GRM8: variants seen among roughly 807,000 people sequenced by gnomAD.
GRM8 encodes the protein metabotropic glutamate receptor 8.
GRM8 carries 47 observed loss-of-function variants against 87.2 expected under a neutral mutation model. That is an observed-to-expected ratio of 0.54 (90% CI 0.43 to 0.69). The LOEUF is 0.69. GRM8 is among the 30% of genes least tolerant of loss of function. The pLI, the probability that GRM8 is intolerant of heterozygous loss-of-function variation, is 0.00. For synonymous variants in GRM8, 396 were observed against 404.5 expected (o/e 0.98, Z 0.25); for missense variants, 1,019 against 1,139.2 (o/e 0.89, Z 1.52).
At chr7:126,587,230 G>A (rs1338260413) in intron 8 of GRM8, among the ~76,000 whole-genome samples, 1 of 152,192 alleles carries the variant, frequency 6.6e-6, no homozygotes, top group African/African-American at 2.4e-5. Flanking sequence ...CTGTTGGTGG[G>A]ACTGTAAACT....
At chr7:127,059,423 A>G (rs6973006) in intron 3 of GRM8, among the ~76,000 whole-genome samples, 52,023 of 147,156 alleles carry the variant, frequency 0.35, 9,417 homozygotes, top group Non-Finnish European at 0.41. Context: ...TGCAACCTCC[A>G]CCTCCTGGGT....
chr7:127,081,150 C>T (rs1377560166), intron 3 of GRM8, among the ~76,000 whole-genome samples: 1 of 152,122 alleles, frequency 6.6e-6, no homozygotes, highest in African/African-American at 2.4e-5. Flanking sequence ...CACGAAAGGT[C>T]CTTTCTGGGC....
At chr7:127,178,376 T>C (rs1198322761) in intron 2 of GRM8, among the ~76,000 whole-genome samples, 1 of 152,198 alleles carries the variant, frequency 6.6e-6, no homozygotes, top group Non-Finnish European at 1.5e-5. Context: ...AACCTAAGAA[T>C]AATTGGTGTT....
intron 3 of GRM8, among the ~76,000 whole-genome samples, chr7:126,932,961 G>A (rs753770300): frequency 6.6e-6 from 1 of 152,158 alleles, no homozygotes; most frequent in Non-Finnish European, 1.5e-5. Flanking sequence ...TCAAGAAGCA[G>A]TAAGTTAAGA....
intron 6 of GRM8, among the ~76,000 whole-genome samples, chr7:126,843,009 A>G (rs1796410625): frequency 6.6e-6 from 1 of 152,378 alleles, no homozygotes; most frequent in Non-Finnish European, 1.5e-5. Context: ...AAATTAAAGC[A>G]TTTAATTTGC....
At chr7:126,974,538 G>A (rs1434885438) in intron 3 of GRM8, among the ~76,000 whole-genome samples, 1 of 151,746 alleles carries the variant, frequency 6.6e-6, no homozygotes, top group South Asian at 2.1e-4. Flanking sequence ...GAGAAAATAT[G>A]GGGAAAAAAG....
intron 7 of GRM8, among the ~76,000 whole-genome samples, chr7:126,735,622 G>C (rs993380643): frequency 6.6e-6 from 1 of 151,878 alleles, no homozygotes; most frequent in South Asian, 2.1e-4. Context: ...CACAAAGGAC[G>C]CCATGTTGTT....
intron 2 of GRM8, among the ~76,000 whole-genome samples, chr7:127,107,741 A>T (rs1391014418): frequency 6.6e-6 from 1 of 152,156 alleles, no homozygotes; most frequent in African/African-American, 2.4e-5. Flanking sequence ...TAGACAGATG[A>T]TTCCCAATCT....
intron 8 of GRM8, among the ~76,000 whole-genome samples, chr7:126,540,322 G>A (rs1227897329): frequency 1.3e-5 from 2 of 152,116 alleles, no homozygotes; most frequent in Non-Finnish European, 2.9e-5. Context: ...GAAGACATTT[G>A]GAATTCTTTG....
chr7:126,774,838 GCTTT>G (rs1563175536), intron 6 of GRM8, among the ~76,000 whole-genome samples: 2 of 152,082 alleles, frequency 1.3e-5, no homozygotes, highest in African/African-American at 2.4e-5. Context: ...GCAAAGCATT[GCTTT>G]CTAAGAATTT....
At chr7:126,877,808 C>T (rs572341967) in intron 6 of GRM8, among the ~76,000 whole-genome samples, 74 of 152,304 alleles carry the variant, frequency 4.9e-4, no homozygotes, top group African/African-American at 1.7e-3. Flanking sequence ...GGTGCAAATG[C>T]CTGCTTTCCT....
chr7:126,776,242 G>A (rs1309570846), intron 6 of GRM8, among the ~76,000 whole-genome samples: 1 of 152,116 alleles, frequency 6.6e-6, no homozygotes, highest in South Asian at 2.1e-4. Flanking sequence ...GCAGAAAGTG[G>A]AAACAGGATA....
intron 7 of GRM8, among the ~76,000 whole-genome samples, chr7:126,760,109 T>C (rs1347201333): frequency 2.6e-5 from 4 of 152,310 alleles, no homozygotes; most frequent in Admixed American, 6.5e-5. Flanking sequence ...CATTACTGCA[T>C]CCCAGTTTAG....
At chr7:126,999,291 A>T (rs1447034755) in intron 3 of GRM8, among the ~76,000 whole-genome samples, 4 of 151,954 alleles carry the variant, frequency 2.6e-5, no homozygotes, top group African/African-American at 9.7e-5. Context: ...AAATTACTAT[A>T]AGAAAACATT....
intron 6 of GRM8, among the ~76,000 whole-genome samples, chr7:126,797,940 T>G (rs1426051090): frequency 6.6e-6 from 1 of 152,084 alleles, no homozygotes; most frequent in Non-Finnish European, 1.5e-5. Flanking sequence ...AATATTGAAC[T>G]GATAGTATTT....
chr7:126,788,420 A>AAAAAAAAAAAAAAAAAAAAAAAC, intron 6 of GRM8, among the ~76,000 whole-genome samples: 3 of 81,134 alleles, frequency 3.7e-5, no homozygotes, highest in African/African-American at 1.4e-4. Flanking sequence ...AAAAAAAAAA[A>AAAAAAAAAAAAAAAAAAAAAAAC]AAACCCTTTC....
intron 9 of GRM8, among the ~76,000 whole-genome samples, chr7:126,505,644 C>T (rs146107667): frequency 2.0e-5 from 3 of 152,130 alleles, no homozygotes; most frequent in Non-Finnish European, 2.9e-5. Context: ...TCTCCTGCCC[C>T]GCTTTATATA....
intron 6 of GRM8, among the ~76,000 whole-genome samples, chr7:126,887,650 C>T (rs141275580): frequency 1.5e-3 from 234 of 152,226 alleles, no homozygotes; most frequent in Admixed American, 5.8e-3. Flanking sequence ...TCGCAATACA[C>T]ACTGAAGTTA....
intron 2 of GRM8, among the ~76,000 whole-genome samples, chr7:127,148,754 A>G (rs1188070817): frequency 1.3e-5 from 2 of 152,118 alleles, no homozygotes; most frequent in Admixed American, 1.3e-4. Context: ...AAGCAAAAGG[A>G]AAACTTAAAA....
Sources: gnomAD v4.1 joint callset for allele counts (sites outside exome capture counted in the v4.1 genomes callset) on GRCh38, gnomAD v4.1.1 for gene constraint, MANE v1.5 for transcripts, NCBI Gene and HGNC (gene_info 2026-07-23, HGNC 2026-07-21) for gene names.